The following GATC variants were observed in gnomAD, a reference collection of about 807,000 sequenced individuals.
GATC encodes glutamyl-tRNA amidotransferase subunit C.
Under a neutral mutation model 14.4 loss-of-function variants are expected in GATC, and 11 were observed. The ratio of observed to expected loss-of-function variants is 0.77; its 90% CI spans 0.48 to 1.27. The LOEUF is 1.27. Among genes scored for constraint, GATC ranks in the 50% most tolerant of loss-of-function variants. GATC has a pLI of 0.00. For missense variants in GATC, 204 were observed against 183.0 expected (o/e 1.11, Z -0.66); for synonymous variants, 76 against 79.3 (o/e 0.96, Z 0.22).
intron 2 of GATC, among the ~76,000 whole-genome samples, chr12:120,451,901 G>A (rs1197638352): frequency 2.7e-4 from 8 of 29,928 alleles, no homozygotes; most frequent in Admixed American, 2.8e-4. Context: ...TTTTTGAGCT[G>A]GAGTCTCACT....
At position 120,457,088 on chromosome 12, in the gene GATC, G is replaced by A; in HGVS notation, c.267G>A (p.Leu89=). 1.9e-6 allele frequency: 3 copies of A among 1,613,040 alleles called. No individual in the cohort carries two copies. Among genetic ancestry groups the A allele is most frequent in the Non-Finnish European group, 2.5e-6 (3 of 1,179,092 alleles). Residue 89 remains leucine (L), a synonymous_variant, in exon 3 of 4, where the codon CTG becomes CTA. Coordinates refer to ENST00000551765, the MANE Select transcript of GATC (RefSeq NM_176818.3). ...CTGGGTTTTGTAGATGTCTATACCT[G>A]AGATCCGACAATGTGGTAGAAGGCA... ...ESVLEDRCLY[L]RSDNVVEGNC...
Position 120,446,781 on chromosome 12 carries a change from C to T in GATC, c.206C>T (p.Ala69Val). 1 of 1,613,936 alleles carries T rather than the reference C, an allele frequency of 6.2e-7. No homozygotes were observed. The highest frequency in any genetic ancestry group is 8.5e-7 in the Non-Finnish European group (1 of 1,180,018). ...KAIAFADRLR[A>V]VDTDGVEPME... ...ATCGCCTTCGCCGACCGGCTACGCG[C>T]CGTGGACACAGACGGGGTGGAGCCC... Residue 69 changes from alanine to valine, a missense_variant, in exon 2 of 4, where the codon GCC becomes GTC. By Grantham distance (64) the Ala-to-Val change is moderately conservative (BLOSUM62 0). Coordinates refer to ENST00000551765, the MANE Select transcript of GATC (RefSeq NM_176818.3).
chr12:120,457,601 CCTTT>C (rs910736404), intron 3 of GATC, among the ~76,000 whole-genome samples: 4 of 128,316 alleles, frequency 3.1e-5, no homozygotes, highest in African/African-American at 9.4e-5. Context: ...CTAAAAGAAT[CCTTT>C]TTTTTTTTTT....
intron 2 of GATC, among the ~76,000 whole-genome samples, chr12:120,454,235 G>A (rs1878121157): frequency 6.6e-6 from 1 of 152,200 alleles, no homozygotes; most frequent in Non-Finnish European, 1.5e-5. Context: ...GAAAGGAGCA[G>A]GTGCTACTCA....
intron 2 of GATC, among the ~76,000 whole-genome samples, chr12:120,447,081 GTTT>G (rs11340121): frequency 1.5e-5 from 2 of 131,396 alleles, no homozygotes; most frequent in Non-Finnish European, 1.6e-5. Context: ...TGTTTGTTTT[GTTT>G]TTTTTTTTTT....
At chr12:120,455,316 G>A (rs1054662726) in intron 2 of GATC, among the ~76,000 whole-genome samples, 1 of 151,802 alleles carries the variant, frequency 6.6e-6, no homozygotes, top group Admixed American at 6.6e-5. Flanking sequence ...TCACACGTGC[G>A]TGCCACCACG....
intron 2 of GATC, among the ~76,000 whole-genome samples, chr12:120,452,484 G>A (rs1398066753): frequency 6.6e-6 from 1 of 152,074 alleles, no homozygotes; most frequent in Non-Finnish European, 1.5e-5. Context: ...CAAACTCTTA[G>A]GCTCAAGCCA....
At chr12:120,458,683 A>G (rs1014877455) in intron 3 of GATC, among the ~76,000 whole-genome samples, 10 of 152,178 alleles carry the variant, frequency 6.6e-5, no homozygotes, top group African/African-American at 2.4e-4. Context: ...GAGTGGGACT[A>G]GCCAAAAGCA....
rs377060582 is a variant in GATC at position 120,446,646 on chromosome 12, C to T, written c.82-11C>T. Reference sequence around the variant, plus strand: ...CGGTGACCCACACTCCCCGCCTCATCCCTCCTCCAGGGCAGTGGCCGGATC... The same window carrying T: ...CGGTGACCCACACTCCCCGCCTCATTCCTCCTCCAGGGCAGTGGCCGGATC... On this transcript the variant is annotated splice_polypyrimidine_tract_variant and intron_variant, in intron 1 of 3. Coordinates refer to ENST00000551765, the MANE Select transcript of GATC (RefSeq NM_176818.3). The T allele has an allele frequency of 7.0e-5, 112 of 1,605,030 alleles. No homozygotes were observed. Among genetic ancestry groups the T allele is most frequent in the Non-Finnish European group, 9.2e-5 (108 of 1,174,918 alleles).
At position 120,461,925 on chromosome 12, in the gene GATC, C is replaced by T; in HGVS notation, c.*1966C>T. ...AAAAAAAAAAAATTAAAAAAATTTC[C>T]TAAGACACTAAATCCTCAATCTGGA... On this transcript the variant is annotated 3_prime_UTR_variant, in exon 4 of 4. Transcript: ENST00000551765. 2 of 1,277,656 alleles carry T rather than the reference C, an allele frequency of 1.6e-6. No homozygotes were observed. The highest frequency in any genetic ancestry group is 1.0e-6 in the Non-Finnish European group (1 of 979,486). The allele number at this position is 1,277,656 out of a possible 1,614,324, so 79.1% of individuals were successfully genotyped here. A position where few individuals can be genotyped will look rare whatever the true frequency, so the allele number is the denominator to read the frequency against.
intron 3 of GATC, among the ~76,000 whole-genome samples, chr12:120,458,939 C>T (rs1170725138): frequency 6.6e-6 from 1 of 152,192 alleles, no homozygotes. Context: ...CGGCTCACTG[C>T]AAGCTCCACC....
intron 2 of GATC, among the ~76,000 whole-genome samples, chr12:120,456,611 AG>A (rs1443660670): frequency 6.6e-6 from 1 of 152,116 alleles, no homozygotes; most frequent in African/African-American, 2.4e-5. Context: ...TATACGTGCC[AG>A]GAAGTCCATT....
chr12:120,452,198 T>C (rs1435011819), intron 2 of GATC, among the ~76,000 whole-genome samples: 1 of 151,822 alleles, frequency 6.6e-6, no homozygotes, highest in Non-Finnish European at 1.5e-5. Flanking sequence ...AATTTTCACA[T>C]GCAGTCCTGG....
chr12:120,456,605 C>T (rs933166757), intron 2 of GATC, among the ~76,000 whole-genome samples: 6 of 152,136 alleles, frequency 3.9e-5, no homozygotes, highest in Non-Finnish European at 7.3e-5. Context: ...TGCTGCTATA[C>T]GTGCCAGGAA....
chr12:120,461,007 A>AAT lies in GATC; in HGVS notation c.*1049_*1050insTA, dbSNP rs1374927630. The AAT allele has an allele frequency of 6.6e-6, 1 of 151,238 alleles. No homozygotes were observed. Among genetic ancestry groups the AAT allele is most frequent in the African/African-American group, 2.4e-5 (1 of 41,048 alleles). 9.4% of individuals were successfully genotyped at this position (151,238 alleles called of 1,614,324 possible). ...GCGACAGAGCAAGTCTCAAAAAAAA[A>AAT]AAAAAAGTGATAGAATCAGAGAGTT... On this transcript the variant is annotated 3_prime_UTR_variant, in exon 4 of 4. Transcript: ENST00000551765.
chr12:120,457,122 G>A lies in GATC; in HGVS notation c.301G>A (p.Asp101Asn), dbSNP rs1177515394. The part of the protein sequence containing the change: ...SDNVVEGNCA[D>N]ELLQNSHRVV... ...CAATGTGGTAGAAGGCAACTGTGCT[G>A]ATGAATTACTACAAAACTCCCATCG... Residue 101 changes from aspartate (D) to asparagine (N), a missense_variant, in exon 3 of 4, where the codon GAT becomes AAT. Transcript: ENST00000551765. 8.1e-6 allele frequency: 13 copies of A among 1,614,094 alleles called. No individual in the cohort carries two copies. The highest frequency in any genetic ancestry group is 1.1e-5 in the Non-Finnish European group (13 of 1,180,004).
At chr12:120,459,095 C>A (rs1367786353) in intron 3 of GATC, among the ~76,000 whole-genome samples, 1 of 152,114 alleles carries the variant, frequency 6.6e-6, no homozygotes, top group East Asian at 1.9e-4. Flanking sequence ...CTCCTGACCT[C>A]GTGATCGTCC....
chr12:120,449,536 G>C (rs1195111554), intron 2 of GATC, among the ~76,000 whole-genome samples: 1 of 152,080 alleles, frequency 6.6e-6, no homozygotes, highest in Non-Finnish European at 1.5e-5. Flanking sequence ...TGCAACCTCT[G>C]CCTCCTGGGT....
Position 120,460,258 on chromosome 12 carries a change from A to C in GATC, c.*299A>C. 2 of 242,238 alleles carry C rather than the reference A, an allele frequency of 8.3e-6. No individual in the cohort carries two copies. The highest frequency in any genetic ancestry group is 8.1e-6 in the Non-Finnish European group (1 of 123,686). 15.0% of individuals were successfully genotyped at this position (242,238 alleles called of 1,614,324 possible). On this transcript the variant is annotated 3_prime_UTR_variant, in exon 4 of 4. Coordinates refer to ENST00000551765, the MANE Select transcript of GATC (RefSeq NM_176818.3). Reference sequence around the variant, plus strand: ...ATTTATCTGCCTTTAACTCCCCCCAAAGGACCATACCAACTGCATGAAAGT... The same window carrying C: ...ATTTATCTGCCTTTAACTCCCCCCACAGGACCATACCAACTGCATGAAAGT...
Sources: allele counts gnomAD v4.1 joint callset (sites outside exome capture counted in the v4.1 genomes callset), GRCh38; gene constraint gnomAD v4.1.1; transcripts MANE v1.5; gene names NCBI Gene and HGNC (gene_info 2026-07-23, HGNC 2026-07-21).